The following DSC3 variants were observed in gnomAD, a reference collection of about 807,000 sequenced individuals.
The protein encoded by DSC3 is desmocollin-3.
DSC3 carries 97 observed loss-of-function variants against 89.5 expected under a neutral mutation model. The observed-to-expected ratio is 1.08, with a 90% CI of 0.92 to 1.28. The LOEUF (loss-of-function observed/expected upper bound fraction) is 1.28. Among genes scored for constraint, DSC3 ranks in the 50% most tolerant of loss-of-function variants. DSC3 has a pLI of 0.00. For missense variants in DSC3, 1,199 were observed against 1,085.3 expected (o/e 1.10, Z -1.47); for synonymous variants, 436 against 384.1 (o/e 1.14, Z -1.58).
chr18:31,000,894 CT>C (rs1440962456), intron 14 of DSC3, among the ~76,000 whole-genome samples: 2 of 151,756 alleles, frequency 1.3e-5, no homozygotes, highest in South Asian at 2.1e-4. Flanking sequence ...TCCTATTTTG[CT>C]TTTCCATAAA....
chr18:31,036,389 T>C (rs1206502821), intron 1 of DSC3, among the ~76,000 whole-genome samples: 1 of 152,178 alleles, frequency 6.6e-6, no homozygotes, highest in Non-Finnish European at 1.5e-5. Flanking sequence ...TATCTATTGT[T>C]TGTGCTTGTT....
chr18:31,020,685 G>A (rs1985389495), intron 7 of DSC3, among the ~76,000 whole-genome samples: 1 of 151,974 alleles, frequency 6.6e-6, no homozygotes, highest in Non-Finnish European at 1.5e-5. Flanking sequence ...GCTCATGCCT[G>A]TAAATTCCAA....
Position 31,008,093 on chromosome 18 carries a change from GT to G in DSC3, c.1585del (p.Thr529LeufsTer24). 6.2e-7 allele frequency: 1 copy of G among 1,612,912 alleles called. No individual in the cohort carries two copies. The highest frequency in any genetic ancestry group is 8.5e-7 in the Non-Finnish European group (1 of 1,179,522). Reference sequence around the variant, plus strand: ...AACCTCCCTATCCAGGATTTTGGAAGTTATGATTGACCCTGAAATTTCATCA... The same window carrying G: ...AACCTCCCTATCCAGGATTTTGGAAGTATGATTGACCCTGAAATTTCATCA... ...TIDEISGSIITSKILDREVET... is the reference protein window; with the variant it reads ...TIDEISGSIIXSKILDREVET... On this transcript the variant is annotated frameshift_variant, in exon 11 of 16. Coordinates refer to ENST00000360428, the MANE Select transcript of DSC3 (RefSeq NM_001941.5). LOFTEE classifies it high-confidence loss of function.
chr18:31,042,673 C>T lies in DSC3; in HGVS notation c.-13G>A. 6.5e-7 allele frequency: 1 copy of T among 1,548,434 alleles called. No individual in the cohort carries two copies. The highest frequency in any genetic ancestry group is 8.7e-7 in the Non-Finnish European group (1 of 1,145,868). On this transcript the variant is annotated 5_prime_UTR_variant, in exon 1 of 16. Transcript: ENST00000360428. ...CAGCGGCGGCCATCGGGATGCCGGG[C>T]AGGGCCAGGAGAACGCGGGCGCCGG...
At chr18:30,999,359 A>C (rs1984578423) in intron 14 of DSC3, among the ~76,000 whole-genome samples, 1 of 152,180 alleles carries the variant, frequency 6.6e-6, no homozygotes, top group Non-Finnish European at 1.5e-5. Flanking sequence ...TACCAGAAAA[A>C]AAGAATTGAA....
chr18:31,038,777 T>C (rs1423818239), intron 1 of DSC3, among the ~76,000 whole-genome samples: 1 of 152,074 alleles, frequency 6.6e-6, no homozygotes, highest in Non-Finnish European at 1.5e-5. Context: ...GGTTAAGAAA[T>C]GGAACATTAC....
intron 1 of DSC3, among the ~76,000 whole-genome samples, chr18:31,036,841 G>A (rs1253315494): frequency 6.3e-5 from 8 of 126,540 alleles, no homozygotes. Context: ...GGCCCAGGCT[G>A]GAGTGCAGTG....
At position 31,028,436 on chromosome 18, in the gene DSC3, T is replaced by C. The variant is rs547629719; in HGVS notation, c.474+1073A>G. 3.9e-5 allele frequency among the ~76,000 whole-genome samples: 6 copies of C among 152,296 alleles called. No homozygotes were observed. The East Asian group carries it at 9.7e-4, about 25-fold the overall frequency. On this transcript the variant is annotated intron_variant, in intron 4 of 15. Transcript: ENST00000360428. ...AAAGGCTAAAACTAGCTATGATTGG[T>C]ACAGCTTTGGCAATTAGAAATCATT...
At position 30,990,107 on chromosome 18, in the gene DSC3, T is replaced by C. The variant is rs1984182729; in HGVS notation, c.*4068A>G. 1 of 152,184 alleles carries C rather than the reference T, an allele frequency of 6.6e-6. No homozygotes were observed. The highest frequency in any genetic ancestry group is 2.1e-4 in the South Asian group (1 of 4,838). The allele number at this position is 152,184 out of a possible 1,614,324, so 9.4% of individuals were successfully genotyped here. ...CAACTACATAATTTTACCAACTACC[T>C]CACACTTATAATTCTTTTACTATGT... On this transcript the variant is annotated 3_prime_UTR_variant, in exon 16 of 16. Coordinates refer to ENST00000360428, the MANE Select transcript of DSC3 (RefSeq NM_001941.5).
chr18:31,001,416 GAT>G (rs1984655078), intron 14 of DSC3, among the ~76,000 whole-genome samples, 200 bp downstream of exon 14: 1 of 151,732 alleles, frequency 6.6e-6, no homozygotes, highest in Non-Finnish European at 1.5e-5. Flanking sequence ...GTGGAAAAAA[GAT>G]AACTAAAATA....
intron 9 of DSC3, among the ~76,000 whole-genome samples, chr18:31,015,939 C>T (rs1985221023): frequency 6.6e-6 from 1 of 152,124 alleles, no homozygotes; most frequent in South Asian, 2.1e-4. Context: ...AAACCAGCCA[C>T]AATCAGTTAA....
At position 31,024,512 on chromosome 18, in the gene DSC3, A is replaced by G. The variant is rs951620181; in HGVS notation, c.631-19T>C. 1 of 1,610,510 alleles carries G rather than the reference A, an allele frequency of 6.2e-7. No individual in the cohort carries two copies. Among genetic ancestry groups the G allele is most frequent in the Non-Finnish European group, 8.5e-7 (1 of 1,178,590 alleles). On this transcript the variant is annotated intron_variant, in intron 5 of 15. Coordinates refer to ENST00000360428, the MANE Select transcript of DSC3 (RefSeq NM_001941.5). ...CAATCAACTGCAAAATAGCAAAAAG[A>G]AAGTTCCATTAATATCAGATCCCGG...
chr18:30,990,766 A>C lies in DSC3; in HGVS notation c.*3409T>G, dbSNP rs1221845477. The C allele has an allele frequency of 6.6e-6, 1 of 152,176 alleles. No individual in the cohort carries two copies. The highest frequency in any genetic ancestry group is 1.5e-5 in the Non-Finnish European group (1 of 68,024). The allele number at this position is 152,176 out of a possible 1,614,324, so 9.4% of individuals were successfully genotyped here. ...AAACCCCTGTGTCAGTGTACTATTC[A>C]TGGAATACTCTGCAATTATAACCAC... On this transcript the variant is annotated 3_prime_UTR_variant, in exon 16 of 16. Coordinates refer to ENST00000360428, the MANE Select transcript of DSC3 (RefSeq NM_001941.5).
chr18:31,035,713 T>A (rs1567962680), intron 1 of DSC3, among the ~76,000 whole-genome samples: 1 of 151,934 alleles, frequency 6.6e-6, no homozygotes, highest in Non-Finnish European at 1.5e-5. Context: ...TCTAGATCTT[T>A]AAAAAAAATG....
At chr18:30,994,644 T>A (rs1295708347) in intron 15 of DSC3, 6 of 552,586 alleles carry the variant, frequency 1.1e-5, no homozygotes, top group African/African-American at 6.0e-5. Context: ...TAAATGCTTA[T>A]CCCTAAATTT....
intron 9 of DSC3, among the ~76,000 whole-genome samples, chr18:31,017,385 T>C (rs1430756036): frequency 6.6e-6 from 1 of 152,210 alleles, no homozygotes; most frequent in Non-Finnish European, 1.5e-5. Flanking sequence ...TGTTTTGTTC[T>C]GGGCTAGAAG....
chr18:31,002,118 T>C (rs976501730), intron 13 of DSC3, among the ~76,000 whole-genome samples: 5 of 152,140 alleles, frequency 3.3e-5, no homozygotes, highest in Admixed American at 6.5e-5. Flanking sequence ...ATTGTGTACA[T>C]AAAAACATGA....
At position 31,022,445 on chromosome 18, in the gene DSC3, G is replaced by A. The variant is rs747112220; in HGVS notation, c.833C>T (p.Thr278Met). 37 of 1,613,898 alleles carry A rather than the reference G, an allele frequency of 2.3e-5. No individual in the cohort carries two copies. Among genetic ancestry groups the A allele is most frequent in the South Asian group, 4.4e-5 (4 of 91,084 alleles). ...TDRDEPDTMH[T>M]RLKYSILQQT... ...CTGCAAAATGCTGTATTTCAGGCGC[G>A]TATGCATTGTGTCCGGTTCATCTCT... is the stretch of plus-strand genomic sequence containing the variant. Residue 278 changes from threonine to methionine, a missense_variant, in exon 7 of 16, where the codon ACG becomes ATG. Thr to Met is a moderately conservative substitution (Grantham distance 81). Coordinates refer to ENST00000360428, the MANE Select transcript of DSC3 (RefSeq NM_001941.5).
At chr18:31,025,699 T>A in intron 5 of DSC3, 61 bp downstream of exon 5, 1 of 1,524,138 alleles carries the variant, frequency 6.6e-7, no homozygotes, top group Non-Finnish European at 9.1e-7. Flanking sequence ...GTAGCTGGAG[T>A]AAGCATCAGA....
Sources: allele counts gnomAD v4.1 joint callset (sites outside exome capture counted in the v4.1 genomes callset), GRCh38; gene constraint gnomAD v4.1.1; transcripts MANE v1.5; gene names NCBI Gene and HGNC (gene_info 2026-07-23, HGNC 2026-07-21).